The following PRKCA variants were observed in gnomAD, a reference collection of about 807,000 sequenced individuals.
PRKCA encodes protein kinase C alpha.
In PRKCA, 27 loss-of-function variants were observed where a neutral mutation model predicts 87.0. The observed-to-expected ratio is 0.31, with a 90% CI of 0.23 to 0.43. PRKCA has a LOEUF of 0.43. Ranked by LOEUF, PRKCA falls within the 20% of genes least tolerant of loss-of-function variation. The probability of loss-of-function intolerance (pLI) is 1.00; values close to 1 mark genes in which losing one functional copy is unlikely to be tolerated. For synonymous variants in PRKCA, 329 were observed against 311.1 expected (o/e 1.06, Z -0.61); for missense variants, 518 against 852.3 (o/e 0.61, Z 4.88).
intron 10 of PRKCA, among the ~76,000 whole-genome samples, chr17:66,737,235 C>T (rs970275976): frequency 1.3e-4 from 19 of 150,176 alleles, no homozygotes; most frequent in Non-Finnish European, 2.5e-4. Context: ...TGGTGGCGGG[C>T]GCCTGTAGTC....
Position 66,530,245 on chromosome 17 carries a change from C to T in PRKCA, c.288+33962C>T, listed in dbSNP as rs557379823. On this transcript the variant is annotated intron_variant, in intron 3 of 16. Transcript: ENST00000413366. ...TGAGACAATCCTTTGGTTTGAGCGA[C>T]GGAAGGAGGAATAAACACATGAATG... Among the ~76,000 whole-genome samples the T allele has an allele frequency of 8.5e-5, 13 of 152,172 alleles. No homozygotes were observed. In the East Asian group the frequency reaches 1.9e-3, roughly 23 times the overall value.
intron 4 of PRKCA, among the ~76,000 whole-genome samples, chr17:66,642,318 A>G (rs1251985393): frequency 6.6e-6 from 1 of 151,946 alleles, no homozygotes; most frequent in Non-Finnish European, 1.5e-5. Flanking sequence ...TTTAGTAGAG[A>G]TGGGGTTTCA....
intron 16 of PRKCA, among the ~76,000 whole-genome samples, chr17:66,798,498 TGGTGGTGGTGAC>T (rs1975749356): frequency 1.2e-5 from 1 of 81,164 alleles, no homozygotes. Flanking sequence ...ACGGTGGTGG[TGGTGGTGGTGAC>T]GGTGGTGACG....
intron 8 of PRKCA, among the ~76,000 whole-genome samples, chr17:66,704,755 CTAAT>C (rs971777078): frequency 1.3e-5 from 2 of 152,158 alleles, no homozygotes; most frequent in South Asian, 2.1e-4. Context: ...ATCCTTCTTA[CTAAT>C]TAACAAATTA....
At chr17:66,340,713 G>C (rs1906993330) in intron 2 of PRKCA, among the ~76,000 whole-genome samples, 1 of 152,148 alleles carries the variant, frequency 6.6e-6, no homozygotes, top group African/African-American at 2.4e-5. Flanking sequence ...AGCAAGCAAT[G>C]CTTCTCTGGA....
intron 2 of PRKCA, among the ~76,000 whole-genome samples, chr17:66,488,692 G>A (rs74675374): frequency 0.036 from 5,545 of 152,262 alleles, 142 homozygotes; most frequent in Admixed American, 0.052. Flanking sequence ...AAAGAGGCTT[G>A]CCTGCTTAGA....
intron 10 of PRKCA, among the ~76,000 whole-genome samples, chr17:66,735,989 C>T (rs1359260094): frequency 6.8e-6 from 1 of 147,326 alleles, no homozygotes; most frequent in Non-Finnish European, 1.5e-5. Flanking sequence ...GGCACAGTCA[C>T]GGCCCACTGC....
intron 2 of PRKCA, among the ~76,000 whole-genome samples, chr17:66,438,433 C>A (rs1183608141): frequency 1.3e-5 from 2 of 152,130 alleles, no homozygotes; most frequent in East Asian, 3.9e-4. Context: ...GAACACCCAA[C>A]TGGGCTTTTT....
At chr17:66,707,414 G>A (rs983474458) in intron 8 of PRKCA, among the ~76,000 whole-genome samples, 1 of 152,098 alleles carries the variant, frequency 6.6e-6, no homozygotes, top group Non-Finnish European at 1.5e-5. Flanking sequence ...TTTTTTGACA[G>A]CCCAGAGGAA....
At chr17:66,715,344 A>T (rs1345949415) in intron 8 of PRKCA, among the ~76,000 whole-genome samples, 1 of 152,086 alleles carries the variant, frequency 6.6e-6, no homozygotes, top group East Asian at 1.9e-4. Flanking sequence ...ATTTTCCCAG[A>T]AGTGGCTTTT....
chr17:66,425,308 A>G (rs1031639049), intron 2 of PRKCA, among the ~76,000 whole-genome samples: 7 of 151,558 alleles, frequency 4.6e-5, no homozygotes, highest in Admixed American at 6.6e-5. Context: ...CTCCAAGGCT[A>G]CAACCACCGA....
Position 66,641,758 on chromosome 17 carries a change from A to G in PRKCA, c.400+292A>G, listed in dbSNP as rs558200227. 2.0e-3 allele frequency among the ~76,000 whole-genome samples: 308 copies of G among 151,580 alleles called. 1 individual carries two copies. The highest frequency in any genetic ancestry group is 3.6e-3 in the Non-Finnish European group (246 of 67,908). On this transcript the variant is annotated intron_variant, in intron 4 of 16. Coordinates refer to ENST00000413366, the MANE Select transcript of PRKCA (RefSeq NM_002737.3). Reference sequence around the variant, plus strand: ...AGTGGCAGAAGTCTTCAATCACTGTAAAATATAGCCTAGTCAAACCCCAAA... The same window carrying G: ...AGTGGCAGAAGTCTTCAATCACTGTGAAATATAGCCTAGTCAAACCCCAAA...
chr17:66,366,856 C>A (rs187482368), intron 2 of PRKCA, among the ~76,000 whole-genome samples: 52 of 152,282 alleles, frequency 3.4e-4, no homozygotes, highest in African/African-American at 1.2e-3. Flanking sequence ...ATTCCAAAAT[C>A]AGTCTTTTAA....
Position 66,804,216 on chromosome 17 carries a change from C to T in PRKCA, c.*179C>T, listed in dbSNP as rs542798909. The T allele has an allele frequency of 1.1e-4, 88 of 791,854 alleles. No individual in the cohort carries two copies. The highest frequency in any genetic ancestry group is 1.6e-4 in the Non-Finnish European group (87 of 534,350). The allele number at this position is 791,854 out of a possible 1,614,324, so 49.1% of individuals were successfully genotyped here. A position where few individuals can be genotyped will look rare whatever the true frequency, so the allele number is the denominator to read the frequency against. ...CTGTTCAGGGTCTCTCTCTTACAAC[C>T]AAGAACATTATCTTAGTGGAAGATG... On this transcript the variant is annotated 3_prime_UTR_variant, in exon 17 of 17. Coordinates refer to ENST00000413366, the MANE Select transcript of PRKCA (RefSeq NM_002737.3).
At position 66,565,961 on chromosome 17, in the gene PRKCA, C is replaced by T. The variant is rs148724688; in HGVS notation, c.288+69678C>T. 1.6e-3 allele frequency among the ~76,000 whole-genome samples: 246 copies of T among 152,154 alleles called. 1 individual carries two copies. Among genetic ancestry groups the T allele is most frequent in the African/African-American group, 5.8e-3 (241 of 41,482 alleles). On this transcript the variant is annotated intron_variant, in intron 3 of 16. Coordinates refer to ENST00000413366, the MANE Select transcript of PRKCA (RefSeq NM_002737.3). ...TCTTGCCTGCAATGAGGTTACCTGG[C>T]CTATTAGAATTAAGGACTAAAATGC... is the stretch of plus-strand genomic sequence containing the variant.
At chr17:66,407,922 A>G (rs1018321736) in intron 2 of PRKCA, among the ~76,000 whole-genome samples, 1 of 152,236 alleles carries the variant, frequency 6.6e-6, no homozygotes, top group Admixed American at 6.5e-5. Flanking sequence ...AATAACAGAT[A>G]AGCAGTTTAA....
chr17:66,330,885 A>G (rs531864564), intron 2 of PRKCA, among the ~76,000 whole-genome samples: 191 of 152,348 alleles, frequency 1.3e-3, no homozygotes, highest in African/African-American at 4.0e-3. Context: ...AATAAAGCAC[A>G]TGCCTGCTAG....
Position 66,808,014 on chromosome 17 carries a change from T to C in PRKCA, c.*3977T>C, listed in dbSNP as rs1182332195. 1 of 152,166 alleles carries C rather than the reference T, an allele frequency of 6.6e-6. No individual in the cohort carries two copies. The highest frequency in any genetic ancestry group is 1.5e-5 in the Non-Finnish European group (1 of 68,054). 9.4% of individuals were successfully genotyped at this position (152,166 alleles called of 1,614,324 possible). ...AGTGTTTTGCCAGGGACACAGTCTG[T>C]TCCTCCTCAGAAAACACCCCCCAAA... On this transcript the variant is annotated 3_prime_UTR_variant, in exon 17 of 17. Coordinates refer to ENST00000413366, the MANE Select transcript of PRKCA (RefSeq NM_002737.3).
At chr17:66,403,900 C>G (rs1424133070) in intron 2 of PRKCA, 2 of 152,064 alleles carry the variant, frequency 1.3e-5, no homozygotes, top group Non-Finnish European at 2.9e-5. Flanking sequence ...AGCAGATTCC[C>G]TTTTTATTTT....
Sources: allele counts gnomAD v4.1 joint callset (sites outside exome capture counted in the v4.1 genomes callset), GRCh38; gene constraint gnomAD v4.1.1; transcripts MANE v1.5; gene names NCBI Gene and HGNC (gene_info 2026-07-23, HGNC 2026-07-21).